C1orf94: variants seen among roughly 807,000 people sequenced by gnomAD.
C1orf94 encodes the protein chromosome 1 open reading frame 94, also known as uncharacterized protein C1orf94.
Under a neutral mutation model 53.6 loss-of-function variants are expected in C1orf94, and 45 were observed. The ratio of observed to expected loss-of-function variants is 0.84; its 90% CI spans 0.66 to 1.08. The LOEUF is 1.08. Ranked by LOEUF, C1orf94 falls within the 50% of genes least tolerant of loss-of-function variation. The pLI is 0.00. For synonymous variants in C1orf94, 304 were observed against 296.1 expected, an observed-to-expected ratio of 1.03 and a Z score of -0.27; for missense variants, 762 against 738.9, an observed-to-expected ratio of 1.03 and a Z score of -0.36.
At chr1:34,182,508 C>T (rs1278996023) in intron 1 of C1orf94, among the ~76,000 whole-genome samples, 1 of 152,036 alleles carries the variant, frequency 6.6e-6, no homozygotes, top group Non-Finnish European at 1.5e-5. Flanking sequence ...AAGTGGGAGG[C>T]CTCTGGGAAG....
chr1:34,203,416 C>T (rs770980896), intron 4 of C1orf94, among the ~76,000 whole-genome samples: 10 of 152,066 alleles, frequency 6.6e-5, no homozygotes, highest in Non-Finnish European at 1.2e-4. Context: ...GGTGAGCCAC[C>T]GCACCCGGCC....
At chr1:34,167,008 C>G (rs1180294102) in exon 1 of C1orf94, 3 of 152,276 alleles carry the variant, frequency 2.0e-5, no homozygotes, top group Non-Finnish European at 2.9e-5. Flanking sequence ...GTGCCAAGAA[C>G]CAACCGAAGC....
chr1:34,168,436 T>A lies in C1orf94; in HGVS notation c.-251+1265T>A, dbSNP rs79557900. 3.1e-3 allele frequency among the ~76,000 whole-genome samples: 470 copies of A among 151,880 alleles called. 2 individuals are homozygous for A. Among genetic ancestry groups the A allele is most frequent in the South Asian group, 7.1e-3 (34 of 4,802 alleles). ...GATGGGGCTGGATCCAGGTAAGCAA[T>A]GGGAGATAGGGAGTGGGGCAGATCA... On this transcript the variant is annotated intron_variant, in intron 1 of 6. Coordinates refer to the C1orf94 transcript ENST00000373374.
intron 6 of C1orf94, among the ~76,000 whole-genome samples, chr1:34,213,709 T>G (rs1571352180): frequency 6.6e-6 from 1 of 151,846 alleles, no homozygotes; most frequent in East Asian, 1.9e-4. Flanking sequence ...CCCAGCTAAT[T>G]TTTGTATTTT....
In C1orf94 at chr1:34,202,177, C is replaced by A. The variant is rs1642720524; in HGVS notation, c.1364C>A (p.Thr455Asn). The A allele has an allele frequency of 1.2e-6, 2 of 1,614,118 alleles. No individual in the cohort carries two copies. Among genetic ancestry groups the A allele is most frequent in the Admixed American group, 3.3e-5 (2 of 60,004 alleles). ...TTTCCTACAGCCATGACCTCAGCAACCCTGAACCAGCCACTCTGGCTCAAC... is the reference window on the plus strand; with the variant it reads ...TTTCCTACAGCCATGACCTCAGCAAACCTGAACCAGCCACTCTGGCTCAAC... Reference protein sequence around the residue: ...PHFPTAMTSATLNQPLWLNLN... With the variant: ...PHFPTAMTSANLNQPLWLNLN... The change falls in exon 4 of 7, where the codon ACC becomes AAC. Residue 455 changes from threonine (T) to asparagine (N), a missense_variant. By Grantham distance (65) the Thr-to-Asn change is moderately conservative (BLOSUM62 0). Coordinates refer to ENST00000488417, the MANE Select transcript of C1orf94 (RefSeq NM_001134734.2).
At chr1:34,195,556 A>T (rs1449331604) in intron 1 of C1orf94, among the ~76,000 whole-genome samples, 1 of 152,026 alleles carries the variant, frequency 6.6e-6, no homozygotes, top group Non-Finnish European at 1.5e-5. Context: ...CCATGTCTTT[A>T]GTACATAGCT....
intron 5 of C1orf94, among the ~76,000 whole-genome samples, chr1:34,210,933 T>G (rs1642878733): frequency 6.6e-6 from 1 of 151,996 alleles, no homozygotes; most frequent in African/African-American, 2.4e-5. Context: ...GTTACAGGCG[T>G]GAGCCAACGC....
At position 34,212,339 on chromosome 1, in the gene C1orf94, G is replaced by T. The variant is rs750655969; in HGVS notation, c.1654G>T (p.Ala552Ser). 1.5e-5 allele frequency: 24 copies of T among 1,613,856 alleles called. No individual in the cohort carries two copies. The East Asian group carries it at 2.2e-4, about 15-fold the overall frequency. ...YPQRTPPKMS[A>S]NPRDPPLMAG... ...TCAGAGGACACCTCCAAAGATGTCTGCCAACCCCCGAGACCCTCCCCTAAT... is the reference window on the plus strand; with the variant it reads ...TCAGAGGACACCTCCAAAGATGTCTTCCAACCCCCGAGACCCTCCCCTAAT... The change falls in exon 6 of 7, where the codon GCC becomes TCC. Residue 552 changes from alanine to serine, a missense_variant. Transcript: ENST00000488417.
chr1:34,197,972 A>T lies in C1orf94; in HGVS notation c.1009+59A>T. On this transcript the variant is annotated intron_variant, in intron 2 of 6. Transcript: ENST00000488417. This position sits in a 1 kb window ranked among gnomAD's most constrained non-coding sequence, Gnocchi z 4.1. ...TGCAAGGAGGAGGTCCTTCCCAGGAAGCCAATCAGGGCTGCAGCATGTACA... is the reference window on the plus strand; with the variant it reads ...TGCAAGGAGGAGGTCCTTCCCAGGATGCCAATCAGGGCTGCAGCATGTACA... The T allele has an allele frequency of 6.7e-7, 1 of 1,497,634 alleles. No individual in the cohort carries two copies. Among genetic ancestry groups the T allele is most frequent in the Non-Finnish European group, 9.0e-7 (1 of 1,107,964 alleles). The allele number at this position is 1,497,634 out of a possible 1,614,324, so 92.8% of individuals were successfully genotyped here.
Position 34,192,468 on chromosome 1 carries a change from A to G in C1orf94, c.321-4757A>G, listed in dbSNP as rs188402199. On this transcript the variant is annotated intron_variant, in intron 1 of 6. Transcript: ENST00000488417. ...CAGACAGGTTGCAACCAGCTCTTAG[A>G]GGTCTTGGCATGGGTAAAGGCAAGT... 1.0e-3 allele frequency among the ~76,000 whole-genome samples: 159 copies of G among 152,290 alleles called. 1 individual carries two copies. The highest frequency in any genetic ancestry group is 7.5e-3 in the South Asian group (36 of 4,826).
intron 4 of C1orf94, among the ~76,000 whole-genome samples, chr1:34,206,066 C>T (rs745429361): frequency 4.6e-5 from 7 of 152,164 alleles, no homozygotes; most frequent in Non-Finnish European, 8.8e-5. Flanking sequence ...CCTGAGAATC[C>T]GCCCTGGGAC....
upstream of C1orf94, among the ~76,000 whole-genome samples, chr1:34,172,285 C>T (rs1571331897): frequency 6.6e-6 from 1 of 152,308 alleles, no homozygotes; most frequent in Non-Finnish European, 1.5e-5. Context: ...TAGGACCTTC[C>T]TTTTCCCTAA....
intron 1 of C1orf94, 133 bp downstream of exon 1, chr1:34,178,242 C>T: frequency 3.1e-6 from 3 of 971,126 alleles, no homozygotes; most frequent in East Asian, 2.6e-5. Flanking sequence ...CTCCATGGTC[C>T]TTTGTCCAAG....
At chr1:34,214,126 C>A (rs1366004325) in intron 6 of C1orf94, among the ~76,000 whole-genome samples, 1 of 152,178 alleles carries the variant, frequency 6.6e-6, no homozygotes. Flanking sequence ...AAAGTGAAAA[C>A]CATCAAAGTG....
At chr1:34,199,157 T>A (rs1642651683) in intron 2 of C1orf94, among the ~76,000 whole-genome samples, 1 of 152,232 alleles carries the variant, frequency 6.6e-6, no homozygotes, top group South Asian at 2.1e-4. Context: ...ATGTCTGTCA[T>A]GTATGTACTT....
At chr1:34,175,230 C>T (rs983525063), upstream of C1orf94, among the ~76,000 whole-genome samples, 4 of 148,712 alleles carry the variant, frequency 2.7e-5, no homozygotes, top group African/African-American at 9.8e-5. Flanking sequence ...TCTGATTTAG[C>T]CCCCGTTGCC....
chr1:34,201,965 G>A (rs1397958173), intron 3 of C1orf94, 119 bp from the exon 4 acceptor site: 1 of 945,742 alleles, frequency 1.1e-6, no homozygotes, highest in Non-Finnish European at 1.6e-6. Context: ...AACCCTCTTG[G>A]AGCTTAAAGG....
At chr1:34,187,061 G>T (rs1642395394) in intron 1 of C1orf94, among the ~76,000 whole-genome samples, 1 of 152,158 alleles carries the variant, frequency 6.6e-6, no homozygotes, top group African/African-American at 2.4e-5. Flanking sequence ...AATAGCTCAA[G>T]ACATTGCAGG....
At chr1:34,208,346 AT>A in intron 5 of C1orf94, 112 bp downstream of exon 5, 1 of 1,080,504 alleles carries the variant, frequency 9.3e-7, no homozygotes, top group Non-Finnish European at 1.4e-6. Context: ...CTGGCCCACC[AT>A]TGGCTCTGGA....
Sources: allele counts gnomAD v4.1 joint callset (sites outside exome capture counted in the v4.1 genomes callset), GRCh38; gene constraint gnomAD v4.1.1; non-coding constraint Gnocchi (gnomAD v3.1); transcripts MANE v1.5; gene names NCBI Gene and HGNC (gene_info 2026-07-23, HGNC 2026-07-21).